Variants in SEC14L5 observed in about 807,000 individuals in gnomAD.
The protein encoded by SEC14L5 is SEC14-like protein 5.
SEC14L5 carries 96 observed loss-of-function variants against 84.6 expected under a neutral mutation model. The observed-to-expected ratio is 1.13, with a 90% CI of 0.96 to 1.34. The LOEUF is 1.34. SEC14L5 is among the 40% of genes most tolerant of loss of function. The pLI is 0.00. For missense variants in SEC14L5, 1,224 were observed against 942.5 expected (o/e 1.30, Z -3.91); for synonymous variants, 546 against 383.4 (o/e 1.42, Z -4.95).
At chr16:5,010,071 G>A (rs1955781009) in intron 14 of SEC14L5, among the ~76,000 whole-genome samples, 1 of 151,858 alleles carries the variant, frequency 6.6e-6, no homozygotes, top group East Asian at 1.9e-4. Context: ...GGCCGGGTGC[G>A]GTGGCTCATG....
chr16:4,989,668 C>G (rs561603010), intron 4 of SEC14L5, among the ~76,000 whole-genome samples: 5 of 152,318 alleles, frequency 3.3e-5, no homozygotes, highest in African/African-American at 1.2e-4. Context: ...TCTTTCTACG[C>G]CTCCAACTCC....
intron 8 of SEC14L5, among the ~76,000 whole-genome samples, chr16:4,998,728 A>C (rs1166305991): frequency 8.3e-6 from 1 of 121,186 alleles, no homozygotes; most frequent in Non-Finnish European, 1.7e-5. Flanking sequence ...ACAGAGCGAG[A>C]CTCCGTCTCA....
intron 8 of SEC14L5, among the ~76,000 whole-genome samples, chr16:4,999,831 C>A (rs867108318): frequency 6.6e-6 from 1 of 151,744 alleles, no homozygotes; most frequent in African/African-American, 2.4e-5. Flanking sequence ...GTGAGAATCG[C>A]TTGAACCTGG....
chr16:4,964,160 G>T (rs538655282), intron 2 of SEC14L5, among the ~76,000 whole-genome samples: 1 of 152,306 alleles, frequency 6.6e-6, no homozygotes, highest in Admixed American at 6.5e-5. Context: ...GTGGGGTGGT[G>T]GTGTCTTTGT....
chr16:4,996,325 G>A (rs1476552627), intron 6 of SEC14L5, 23 bp from the exon 7 acceptor site: 2 of 1,410,524 alleles, frequency 1.4e-6, no homozygotes, highest in African/African-American at 1.4e-5. Flanking sequence ...CTCTTGTCCT[G>A]AAGCTCCCCC....
intron 2 of SEC14L5, among the ~76,000 whole-genome samples, chr16:4,979,519 TG>T (rs1199923430): frequency 6.6e-6 from 1 of 152,214 alleles, no homozygotes; most frequent in East Asian, 1.9e-4. Flanking sequence ...TGGTTAGGCT[TG>T]GGCAGCTGAA....
chr16:4,977,181 T>C (rs1026390662), intron 2 of SEC14L5, among the ~76,000 whole-genome samples: 3 of 152,128 alleles, frequency 2.0e-5, no homozygotes, highest in Non-Finnish European at 4.4e-5. Context: ...GTGCAGTGGC[T>C]CACGCCTGTA....
rs1955090755 is a variant in SEC14L5, at chr16:4,959,330, C to G, written c.7C>G (p.Gln3Glu). The change falls in exon 2 of 16, where the codon CAA becomes GAA. Residue 3 changes from glutamine to glutamate, a missense_variant. Physicochemically the swap from Gln to Glu is conservative, Grantham distance 29. Coordinates refer to ENST00000251170, the MANE Select transcript of SEC14L5 (RefSeq NM_014692.2). ...TTGGTGCTCCAGCGTGAACATGGTG[C>G]AAAGATACCAGTCTCCTGTCCGAGT... Reference protein sequence around the residue: MVQRYQSPVRVYK... With the variant: MVERYQSPVRVYK... 2 of 1,613,500 alleles carry G rather than the reference C, an allele frequency of 1.2e-6. No individual in the cohort carries two copies. Among genetic ancestry groups the G allele is most frequent in the Non-Finnish European group, 1.7e-6 (2 of 1,179,596 alleles).
intron 2 of SEC14L5, among the ~76,000 whole-genome samples, chr16:4,980,999 G>C (rs1470945919): frequency 6.6e-6 from 1 of 152,174 alleles, no homozygotes. Context: ...AGCTGGCGTG[G>C]CTGGAGCCAG....
At chr16:4,966,417 G>A (rs936510412) in intron 2 of SEC14L5, among the ~76,000 whole-genome samples, 5 of 149,556 alleles carry the variant, frequency 3.3e-5, no homozygotes, top group African/African-American at 1.2e-4. Context: ...GGGAGTACAA[G>A]TGCCCGCCAC....
At position 4,991,909 on chromosome 16, in the gene SEC14L5, G is replaced by A. The variant is rs192935938; in HGVS notation, c.546G>A (p.Thr182=). The change falls in exon 6 of 16, where the codon ACG becomes ACA. Residue 182 remains threonine (T), a synonymous_variant. Transcript: ENST00000251170. The part of the protein sequence containing the change: ...SQGTSHIPRW[T]PAPVREEDAR... ...GTACCTCGCACATTCCGCGCTGGAC[G>A]CCTGCCCCAGTCCGTGAGGAGGATG... 2.8e-5 allele frequency: 45 copies of A among 1,607,848 alleles called. No individual in the cohort carries two copies. Among genetic ancestry groups the A allele is most frequent in the Admixed American group, 5.0e-5 (3 of 59,704 alleles).
Position 4,980,323 on chromosome 16 carries a change from G to T in SEC14L5, c.64-7234G>T, listed in dbSNP as rs1157796774. 2.0e-5 allele frequency among the ~76,000 whole-genome samples: 3 copies of T among 152,180 alleles called. No individual in the cohort carries two copies. The East Asian group carries it at 5.8e-4, about 29-fold the overall frequency. ...CCCGAAACATGTGGCTCTGTCACTGGATACTGGGAGAAGTACCTTCCTTTC... is the reference window on the plus strand; with the variant it reads ...CCCGAAACATGTGGCTCTGTCACTGTATACTGGGAGAAGTACCTTCCTTTC... On this transcript the variant is annotated intron_variant, in intron 2 of 15. Transcript: ENST00000251170.
In SEC14L5 at chr16:4,996,418, G is replaced by C. The variant is rs372423216; in HGVS notation, c.738G>C (p.Leu246=). The C allele has an allele frequency of 4.2e-5, 66 of 1,574,502 alleles. No homozygotes were observed. In the African/African-American group the frequency reaches 6.5e-4, roughly 15 times the overall value. ...GHLTPMQESC[L]IQLRHWLQET... Reference sequence around the variant, plus strand: ...TCACGCCCATGCAGGAGAGCTGCCTGATCCAGCTTCGGCACTGGTTACAGG... The same window carrying C: ...TCACGCCCATGCAGGAGAGCTGCCTCATCCAGCTTCGGCACTGGTTACAGG... The change falls in exon 7 of 16, where the codon CTG becomes CTC. Residue 246 remains leucine, a synonymous_variant. Coordinates refer to ENST00000251170, the MANE Select transcript of SEC14L5 (RefSeq NM_014692.2).
chr16:5,012,917 A>AG (rs71139673), intron 15 of SEC14L5, among the ~76,000 whole-genome samples: 1 of 148,466 alleles, frequency 6.7e-6, no homozygotes, highest in Non-Finnish European at 1.5e-5. Flanking sequence ...AAAAAAAAAA[A>AG]CCTACCTGAG....
intron 2 of SEC14L5, among the ~76,000 whole-genome samples, chr16:4,970,643 C>A (rs765698195): frequency 6.6e-6 from 1 of 152,244 alleles, no homozygotes; most frequent in Non-Finnish European, 1.5e-5. Context: ...CTGGGCCCCG[C>A]TCCTGACACG....
chr16:5,007,795 G>T (rs945112387), intron 13 of SEC14L5, among the ~76,000 whole-genome samples: 1 of 151,226 alleles, frequency 6.6e-6, no homozygotes, highest in African/African-American at 2.4e-5. Context: ...TAGTAGAGAC[G>T]GGTTTTCGTC....
intron 2 of SEC14L5, among the ~76,000 whole-genome samples, chr16:4,986,595 T>C (rs1175461049): frequency 6.6e-6 from 1 of 152,242 alleles, no homozygotes; most frequent in Middle Eastern, 3.2e-3. Flanking sequence ...GATGTGGATA[T>C]TGTGTTGAAT....
In SEC14L5 at chr16:5,017,363, C is replaced by T. The variant is rs960415966; in HGVS notation, c.*2393C>T. The T allele has an allele frequency of 6.6e-6, 1 of 152,330 alleles. No individual in the cohort carries two copies. Among genetic ancestry groups the T allele is most frequent in the African/African-American group, 2.4e-5 (1 of 41,452 alleles). 9.4% of individuals were successfully genotyped at this position (152,330 alleles called of 1,614,324 possible). On this transcript the variant is annotated 3_prime_UTR_variant, in exon 16 of 16. Coordinates refer to ENST00000251170, the MANE Select transcript of SEC14L5 (RefSeq NM_014692.2). The stretch of plus-strand genomic sequence containing the variant: ...TAGGGATGGCTGAAGGTGGGTGCTG[C>T]TTCAGATATGGCTGGATCCAGGAGC...
intron 2 of SEC14L5, among the ~76,000 whole-genome samples, chr16:4,973,104 C>T (rs1568110595): frequency 6.6e-6 from 1 of 152,226 alleles, no homozygotes; most frequent in East Asian, 1.9e-4. Flanking sequence ...GCATCCTTTT[C>T]CTCTTTTTTT....
Sources: gnomAD v4.1 joint callset for allele counts (sites outside exome capture counted in the v4.1 genomes callset) on GRCh38, gnomAD v4.1.1 for gene constraint, MANE v1.5 for transcripts, NCBI Gene and HGNC (gene_info 2026-07-23, HGNC 2026-07-21) for gene names.